The following SLC38A6 variants were observed in gnomAD, a reference collection of about 807,000 sequenced individuals.
The protein encoded by SLC38A6 is N system amino acid transporter NAT-1.
A neutral mutation model predicts 65.0 loss-of-function variants in SLC38A6; 73 were observed. The ratio of observed to expected loss-of-function variants is 1.12; its 90% CI spans 0.93 to 1.37. SLC38A6 has a LOEUF of 1.37. Among genes scored for constraint, SLC38A6 ranks in the 40% most tolerant of loss-of-function variants. The probability of loss-of-function intolerance (pLI) is 0.00; values close to 1 mark genes in which losing one functional copy is unlikely to be tolerated. For synonymous variants in SLC38A6, 183 were observed against 178.8 expected (o/e 1.02, Z -0.19); for missense variants, 561 against 531.1 (o/e 1.06, Z -0.55).
In SLC38A6 at chr14:60,990,798, A is replaced by C. The variant is rs576843004; in HGVS notation, c.310+5995A>C. Among the ~76,000 whole-genome samples the C allele has an allele frequency of 6.6e-5, 10 of 152,146 alleles. No individual in the cohort carries two copies. In the East Asian group the frequency reaches 1.9e-3, roughly 29 times the overall value. ...CACGTCACCACACCTAACTAACCTC[A>C]GCCTCCTGAGCAGCTGGTACTACAG... On this transcript the variant is annotated intron_variant, in intron 3 of 15. Coordinates refer to ENST00000267488, the MANE Select transcript of SLC38A6 (RefSeq NM_153811.3).
chr14:61,078,745 T>C, intron 15 of SLC38A6: 1 of 168,244 alleles, frequency 5.9e-6, no homozygotes, highest in Non-Finnish European at 1.2e-5. Flanking sequence ...TTTTTTTTAA[T>C]TATTTAATTT....
chr14:61,044,736 A>G (rs1272846047), intron 10 of SLC38A6, among the ~76,000 whole-genome samples: 1 of 152,178 alleles, frequency 6.6e-6, no homozygotes, highest in African/African-American at 2.4e-5. Context: ...TAATAAAAAC[A>G]AAACAAAACC....
intron 3 of SLC38A6, among the ~76,000 whole-genome samples, chr14:60,999,980 A>G (rs1288805708): frequency 6.6e-6 from 1 of 152,250 alleles, no homozygotes; most frequent in Non-Finnish European, 1.5e-5. Flanking sequence ...GCCTTAGGAA[A>G]CTAATACACT....
At position 61,019,568 on chromosome 14, in the gene SLC38A6, C is replaced by T; in HGVS notation, c.391C>T (p.Gln131Ter). The change falls in exon 5 of 16, where the codon CAG becomes TAG. Residue 131 changes from glutamine (Q) to a stop codon, truncating the protein, a stop_gained. Transcript: ENST00000267488. LOFTEE classifies it high-confidence loss of function. Reference protein sequence around the residue: ...KLVVAGTIIIQNIGAMSSYLL... With the variant: ...KLVVAGTIII ...GGTGGTGGCAGGCACCATAATAATTCAGAATATTGGAGGTAAGCAATTGCA... is the reference window on the plus strand; with the variant it reads ...GGTGGTGGCAGGCACCATAATAATTTAGAATATTGGAGGTAAGCAATTGCA... 6.2e-7 allele frequency: 1 copy of T among 1,613,278 alleles called. No individual in the cohort carries two copies. The highest frequency in any genetic ancestry group is 8.5e-7 in the Non-Finnish European group (1 of 1,179,458).
chr14:61,061,786 A>C (rs1409584950), intron 15 of SLC38A6, among the ~76,000 whole-genome samples: 1 of 151,876 alleles, frequency 6.6e-6, no homozygotes, highest in Non-Finnish European at 1.5e-5. Flanking sequence ...AAGTCTTTGC[A>C]ATTACAAATA....
chr14:60,994,704 C>CA (rs113876678), intron 3 of SLC38A6, among the ~76,000 whole-genome samples: 4,693 of 93,054 alleles, frequency 0.05, 100 homozygotes, highest in South Asian at 0.1. Flanking sequence ...AACCTCGTCT[C>CA]AAAAAAAAAA....
In SLC38A6 at chr14:61,062,710, C is replaced by G. The variant is rs144512264; in HGVS notation, c.1290+10575C>G. Among the ~76,000 whole-genome samples the G allele has an allele frequency of 2.3e-3, 357 of 152,200 alleles. 1 individual carries two copies. The highest frequency in any genetic ancestry group is 4.2e-3 in the Non-Finnish European group (286 of 68,004). On this transcript the variant is annotated intron_variant, in intron 15 of 16. Coordinates refer to the SLC38A6 transcript ENST00000354886. ...GTTTTGTTTTTTTGAGACAGAGTCT[C>G]ACTTCCGTCACCCAGGCTGGAGTGC...
At chr14:60,996,804 G>A (rs2038325341) in intron 3 of SLC38A6, among the ~76,000 whole-genome samples, 1 of 152,038 alleles carries the variant, frequency 6.6e-6, no homozygotes. Context: ...AGTCTTCCTA[G>A]GAGCAATACT....
At chr14:61,066,901 C>G (rs775259897) in intron 15 of SLC38A6, among the ~76,000 whole-genome samples, 1 of 151,998 alleles carries the variant, frequency 6.6e-6, no homozygotes, top group Non-Finnish European at 1.5e-5. Flanking sequence ...AAAGGGCTGG[C>G]TAATTCATTC....
intron 3 of SLC38A6, among the ~76,000 whole-genome samples, chr14:61,011,551 T>C (rs2039566555): frequency 6.6e-6 from 1 of 152,180 alleles, no homozygotes; most frequent in African/African-American, 2.4e-5. Context: ...TTGAGATACG[T>C]CCCATCAATA....
chr14:61,034,701 A>G (rs1299812275), intron 6 of SLC38A6, among the ~76,000 whole-genome samples: 2 of 152,112 alleles, frequency 1.3e-5, no homozygotes, highest in South Asian at 2.1e-4. Flanking sequence ...TCATTTTTGT[A>G]TTATTGATAT....
At position 61,045,885 on chromosome 14, in the gene SLC38A6, C is replaced by CAA. The variant is rs1011289822; in HGVS notation, c.825-170_825-169dup. ...TGGGCGACAGAGCAAGACTCTGTCT[C>CAA]AAAAAAAAAAAAAGGAAGAAGTGTA... On this transcript the variant is annotated intron_variant, in intron 11 of 15. Coordinates refer to ENST00000267488, the MANE Select transcript of SLC38A6 (RefSeq NM_153811.3). Among the ~76,000 whole-genome samples the CAA allele has an allele frequency of 5.9e-3, 681 of 115,726 alleles. 5 individuals are homozygous for CAA. Among genetic ancestry groups the CAA allele is most frequent in the African/African-American group, 0.021 (651 of 31,280 alleles). 75.9% of individuals were successfully genotyped at this position (115,726 alleles called of 152,430 possible).
chr14:60,982,389 T>C, intron 1 of SLC38A6, 119 bp from the exon 2 acceptor site: 1 of 1,303,476 alleles, frequency 7.7e-7, no homozygotes, highest in Middle Eastern at 1.9e-4. Flanking sequence ...AACGAGTGTG[T>C]CATACAAACC....
intron 2 of SLC38A6, among the ~76,000 whole-genome samples, chr14:60,984,224 C>T (rs927425573): frequency 1.3e-5 from 2 of 151,944 alleles, no homozygotes; most frequent in African/African-American, 2.4e-5. Context: ...AGAGTGTGTG[C>T]GTTTAATAGA....
At chr14:61,035,820 A>G (rs560013109) in intron 6 of SLC38A6, among the ~76,000 whole-genome samples, 7 of 152,280 alleles carry the variant, frequency 4.6e-5, no homozygotes, top group African/African-American at 1.7e-4. Context: ...ATTAACTTTA[A>G]CTTTTAAAAA....
chr14:61,033,465 A>T (rs1425371122), intron 6 of SLC38A6, among the ~76,000 whole-genome samples: 1 of 152,110 alleles, frequency 6.6e-6, no homozygotes, highest in Non-Finnish European at 1.5e-5. Flanking sequence ...GTATATTTAG[A>T]TCACAGTAGG....
chr14:61,014,963 T>C (rs946319060), intron 3 of SLC38A6, among the ~76,000 whole-genome samples: 6 of 152,238 alleles, frequency 3.9e-5, no homozygotes, highest in Non-Finnish European at 7.3e-5. Context: ...TTTGTTTGGC[T>C]ATGCCCTGCC....
intron 15 of SLC38A6, among the ~76,000 whole-genome samples, chr14:61,075,457 C>T (rs981479199): frequency 1.3e-5 from 2 of 152,254 alleles, no homozygotes; most frequent in Admixed American, 6.5e-5. Context: ...GGTTGTGGGA[C>T]GATCCTCATA....
At chr14:61,049,028 T>C (rs972625442) in intron 12 of SLC38A6, among the ~76,000 whole-genome samples, 2 of 152,208 alleles carry the variant, frequency 1.3e-5, no homozygotes, top group African/African-American at 4.8e-5. Context: ...TTTGATACTT[T>C]GGACAATTCA....
Sources: allele counts gnomAD v4.1 joint callset (sites outside exome capture counted in the v4.1 genomes callset), GRCh38; gene constraint gnomAD v4.1.1; transcripts MANE v1.5; gene names NCBI Gene and HGNC (gene_info 2026-07-23, HGNC 2026-07-21).